MYO5B: variants seen among roughly 807,000 people sequenced by gnomAD.
The protein encoded by MYO5B is myosin VB.
Under a neutral mutation model 229.3 loss-of-function variants are expected in MYO5B, and 143 were observed. The observed-to-expected ratio is 0.62, with a 90% confidence interval of 0.54 to 0.72. MYO5B has a LOEUF of 0.72. Among genes scored for constraint, MYO5B ranks in the 30% least tolerant of loss-of-function variants. The pLI is 0.00. For synonymous variants in MYO5B, 918 were observed against 885.2 expected (o/e 1.04, Z -0.66); for missense variants, 2,321 against 2,331.0 (o/e 1.00, Z 0.09).
At chr18:49,844,280 G>A (rs537316447) in intron 33 of MYO5B, among the ~76,000 whole-genome samples, 2 of 152,346 alleles carry the variant, frequency 1.3e-5, no homozygotes, top group South Asian at 4.1e-4. Context: ...CAGAGAACTA[G>A]GGGGAAAGGC....
chr18:49,956,305 C>T (rs533070090), intron 12 of MYO5B, among the ~76,000 whole-genome samples: 29 of 152,342 alleles, frequency 1.9e-4, no homozygotes, highest in African/African-American at 2.6e-4. Flanking sequence ...CAGCTAGGTG[C>T]TATGTTTGTA....
At chr18:50,156,301 C>T (rs1477742820) in intron 1 of MYO5B, among the ~76,000 whole-genome samples, 2 of 152,184 alleles carry the variant, frequency 1.3e-5, no homozygotes, top group African/African-American at 2.4e-5. Flanking sequence ...TTGGCTGTGT[C>T]CCCACCCAAA....
chr18:49,920,866 C>T (rs1413361328), intron 17 of MYO5B, among the ~76,000 whole-genome samples: 1 of 152,132 alleles, frequency 6.6e-6, no homozygotes, highest in Non-Finnish European at 1.5e-5. Context: ...CCATGACTGA[C>T]GTGCAGCCAT....
At chr18:50,057,866 C>T (rs2030590064) in intron 1 of MYO5B, among the ~76,000 whole-genome samples, 1 of 152,170 alleles carries the variant, frequency 6.6e-6, no homozygotes, top group Admixed American at 6.5e-5. Context: ...CTCACCACAT[C>T]AGAATCCTCA....
At chr18:49,863,668 C>T (rs891576499) in intron 28 of MYO5B, among the ~76,000 whole-genome samples, 2 of 152,336 alleles carry the variant, frequency 1.3e-5, no homozygotes, top group Middle Eastern at 3.4e-3. Flanking sequence ...CTTACCCCAG[C>T]TGTCCCGAGG....
At chr18:50,090,618 C>T (rs76934289) in intron 1 of MYO5B, among the ~76,000 whole-genome samples, 2,016 of 152,286 alleles carry the variant, frequency 0.013, 38 homozygotes, top group African/African-American at 0.046. Context: ...TGTCTCTACC[C>T]TTTTTAGGCT....
chr18:49,939,257 T>C (rs2025287378), intron 14 of MYO5B, among the ~76,000 whole-genome samples: 1 of 150,276 alleles, frequency 6.7e-6, no homozygotes, highest in South Asian at 2.1e-4. Flanking sequence ...GCGATTCTCC[T>C]GCCTCAGTGT....
intron 14 of MYO5B, among the ~76,000 whole-genome samples, chr18:49,951,874 C>T (rs1374786486): frequency 6.6e-6 from 1 of 152,206 alleles, no homozygotes; most frequent in Non-Finnish European, 1.5e-5. Flanking sequence ...TGGGGCTCCT[C>T]CCTATGCCAC....
intron 1 of MYO5B, among the ~76,000 whole-genome samples, chr18:50,129,960 G>A (rs1705529): frequency 6.6e-6 from 1 of 152,184 alleles, no homozygotes; most frequent in African/African-American, 2.4e-5. Flanking sequence ...AATGACCACC[G>A]CCCCACCTCC....
intron 7 of MYO5B, among the ~76,000 whole-genome samples, chr18:49,986,664 G>C (rs889128970): frequency 1.3e-5 from 2 of 152,184 alleles, no homozygotes; most frequent in Non-Finnish European, 2.9e-5. Flanking sequence ...CACTCAGCAA[G>C]CACCGGCACA....
chr18:50,095,167 G>T (rs151049771), intron 1 of MYO5B, among the ~76,000 whole-genome samples: 446 of 152,312 alleles, frequency 2.9e-3, no homozygotes, highest in Middle Eastern at 0.01. Flanking sequence ...CTTTCTCACA[G>T]AGTATCCCCT....
At chr18:49,915,620 T>C (rs1218312133) in intron 17 of MYO5B, among the ~76,000 whole-genome samples, 1 of 152,238 alleles carries the variant, frequency 6.6e-6, no homozygotes, top group Non-Finnish European at 1.5e-5. Context: ...ACCCATTGAG[T>C]TGCTGATTAT....
rs555853191 is a variant in MYO5B at position 49,878,936 on chromosome 18, C to T, written c.3276+9G>A. 18 of 1,614,070 alleles carry T rather than the reference C, an allele frequency of 1.1e-5. No homozygotes were observed. The Admixed American group carries it at 1.7e-4, about 15-fold the overall frequency. On this transcript the variant is annotated intron_variant, in intron 24 of 39. Transcript: ENST00000285039. The stretch of plus-strand genomic sequence containing the variant: ...CTGTGCCATGGCACAGCAGAAGCAC[C>T]CCCCTTGCCTTTATGATGGTCATTT...
chr18:49,876,973 A>G (rs771941467), intron 25 of MYO5B, among the ~76,000 whole-genome samples: 89 of 152,368 alleles, frequency 5.8e-4, no homozygotes, highest in Middle Eastern at 3.4e-3. Context: ...GCTCTCTGTC[A>G]GATGAGGGCA....
chr18:50,177,447 T>C (rs1036431449), intron 1 of MYO5B, among the ~76,000 whole-genome samples: 1 of 152,188 alleles, frequency 6.6e-6, no homozygotes, highest in Non-Finnish European at 1.5e-5. Flanking sequence ...TCAAACAGCA[T>C]TGTAATTTAT....
At chr18:49,998,854 G>C (rs1420896871) in intron 5 of MYO5B, among the ~76,000 whole-genome samples, 1 of 152,196 alleles carries the variant, frequency 6.6e-6, no homozygotes, top group Non-Finnish European at 1.5e-5. Flanking sequence ...AGGGAGAATG[G>C]AGAGTTACTG....
chr18:49,997,262 G>T (rs1239613516), intron 5 of MYO5B, among the ~76,000 whole-genome samples: 3 of 87,986 alleles, frequency 3.4e-5, no homozygotes, highest in Non-Finnish European at 2.0e-5. Flanking sequence ...GCAAGGTCCT[G>T]TCTTTAAAAA....
intron 7 of MYO5B, among the ~76,000 whole-genome samples, chr18:49,989,196 T>A (rs1348272395): frequency 6.6e-6 from 1 of 152,164 alleles, no homozygotes; most frequent in Non-Finnish European, 1.5e-5. Flanking sequence ...CTAAGTTGCA[T>A]GGTACAAGCA....
At chr18:49,852,017 C>T (rs1320037745) in intron 31 of MYO5B, among the ~76,000 whole-genome samples, 1 of 152,184 alleles carries the variant, frequency 6.6e-6, no homozygotes, top group East Asian at 1.9e-4. Context: ...CTTGCCCGGC[C>T]AGCAGCACAG....
Sources: allele counts gnomAD v4.1 joint callset (sites outside exome capture counted in the v4.1 genomes callset), GRCh38; gene constraint gnomAD v4.1.1; transcripts MANE v1.5; gene names NCBI Gene and HGNC (gene_info 2026-07-23, HGNC 2026-07-21).